Variants in SPOCK3 observed in about 807,000 individuals in gnomAD.
SPOCK3 encodes SPARC (osteonectin), cwcv and kazal like domains proteoglycan 3.
SPOCK3 carries 30 observed loss-of-function variants against 56.6 expected under a neutral mutation model. That is an observed-to-expected ratio of 0.53 (90% CI 0.40 to 0.72). The LOEUF is 0.72. Ranked by LOEUF, SPOCK3 falls within the 30% of genes least tolerant of loss-of-function variation. The pLI, the probability that SPOCK3 is intolerant of heterozygous loss-of-function variation, is 0.00. For missense variants in SPOCK3, 527 were observed against 530.0 expected (o/e 0.99, Z 0.06); for synonymous variants, 196 against 183.3 (o/e 1.07, Z -0.56).
chr4:167,229,503 G>A (rs1021302184), intron 2 of SPOCK3, among the ~76,000 whole-genome samples: 2 of 151,870 alleles, frequency 1.3e-5, no homozygotes, highest in East Asian at 1.9e-4. Context: ...ATAGACCCTC[G>A]AGAATCTTTA....
intron 7 of SPOCK3, among the ~76,000 whole-genome samples, chr4:166,788,584 A>T (rs1740987216): frequency 6.6e-6 from 1 of 151,734 alleles, no homozygotes; most frequent in Admixed American, 6.6e-5. Context: ...AATGTATAAA[A>T]TTTATATTCA....
intron 2 of SPOCK3, among the ~76,000 whole-genome samples, chr4:167,112,829 G>A (rs1409047402): frequency 9.6e-6 from 1 of 104,302 alleles, no homozygotes; most frequent in Non-Finnish European, 1.9e-5. Context: ...CAAGGACTCT[G>A]TTCAAAAGTG....
chr4:167,182,887 T>G (rs1032001510), intron 2 of SPOCK3, among the ~76,000 whole-genome samples: 1 of 152,150 alleles, frequency 6.6e-6, no homozygotes, highest in Non-Finnish European at 1.5e-5. Flanking sequence ...ACTTCAATCT[T>G]TTACATGTCT....
intron 9 of SPOCK3, among the ~76,000 whole-genome samples, chr4:166,739,498 C>T (rs1274311545): frequency 6.6e-6 from 1 of 152,106 alleles, no homozygotes; most frequent in Admixed American, 6.6e-5. Context: ...ACCTCAACCT[C>T]CCAGAATGCT....
At chr4:167,234,336 C>G in intron 1 of SPOCK3, 114 bp downstream of exon 1, 1 of 688,282 alleles carries the variant, frequency 1.5e-6, no homozygotes, top group Non-Finnish European at 2.4e-6. Context: ...GCTTTACCCC[C>G]AAAAGCCGGG....
chr4:167,147,510 C>T (rs1015919275), intron 2 of SPOCK3, among the ~76,000 whole-genome samples: 1 of 152,072 alleles, frequency 6.6e-6, no homozygotes, highest in African/African-American at 2.4e-5. Flanking sequence ...CACATGCACA[C>T]GTATGTTTAT....
intron 3 of SPOCK3, among the ~76,000 whole-genome samples, chr4:167,046,969 A>G (rs1305873424): frequency 1.3e-5 from 2 of 152,178 alleles, no homozygotes; most frequent in Admixed American, 1.3e-4. Context: ...AGTGAAGAGT[A>G]TATGATATTT....
chr4:166,989,356 T>C (rs1364671195), intron 4 of SPOCK3, among the ~76,000 whole-genome samples: 2 of 152,098 alleles, frequency 1.3e-5, no homozygotes, highest in African/African-American at 2.4e-5. Flanking sequence ...GTGTTAAGTA[T>C]CTGGGACCTA....
intron 6 of SPOCK3, among the ~76,000 whole-genome samples, chr4:166,795,513 C>T (rs1741838011): frequency 6.6e-6 from 1 of 152,002 alleles, no homozygotes; most frequent in Non-Finnish European, 1.5e-5. Context: ...ATTTAATTTT[C>T]ATTTGACAAT....
At chr4:166,754,170 G>A in intron 8 of SPOCK3, 1 of 1,019,396 alleles carries the variant, frequency 9.8e-7, no homozygotes, top group South Asian at 4.2e-5. Context: ...ATTTTACATT[G>A]TGGGCAAAGC....
At chr4:166,887,862 A>G (rs1463187719) in intron 6 of SPOCK3, among the ~76,000 whole-genome samples, 1 of 149,054 alleles carries the variant, frequency 6.7e-6, no homozygotes, top group Non-Finnish European at 1.5e-5. Context: ...AACTTATGGA[A>G]AAAAAAAAAA....
intron 4 of SPOCK3, among the ~76,000 whole-genome samples, chr4:166,926,502 C>T (rs1343936208): frequency 2.6e-5 from 4 of 151,962 alleles, no homozygotes; most frequent in Non-Finnish European, 5.9e-5. Context: ...GGTTTGATAC[C>T]TGGGTGTTTT....
At chr4:167,201,021 C>T (rs977064681) in intron 2 of SPOCK3, among the ~76,000 whole-genome samples, 2 of 151,924 alleles carry the variant, frequency 1.3e-5, no homozygotes, top group Non-Finnish European at 2.9e-5. Context: ...CACTTTAAAA[C>T]AATTGAGCTG....
intron 4 of SPOCK3, among the ~76,000 whole-genome samples, chr4:166,977,456 T>G (rs1746084466): frequency 6.6e-6 from 1 of 152,066 alleles, no homozygotes; most frequent in African/African-American, 2.4e-5. Flanking sequence ...AAAGAACTAT[T>G]TATGAATGTT....
rs538974163 is a variant in SPOCK3, at chr4:167,202,437, G to C, written c.189+31548C>G. Among the ~76,000 whole-genome samples, 4 of 152,058 alleles carry C rather than the reference G, an allele frequency of 2.6e-5. No individual in the cohort carries two copies. The East Asian group carries it at 5.8e-4, about 22-fold the overall frequency. ...AAGTGTATAAAATATAGTCAGCTTTGTGAAAGTGACCATTTTAACTAGTTA... is the reference window on the plus strand; with the variant it reads ...AAGTGTATAAAATATAGTCAGCTTTCTGAAAGTGACCATTTTAACTAGTTA... On this transcript the variant is annotated intron_variant, in intron 2 of 10. Transcript: ENST00000357545.
chr4:166,963,527 C>G (rs191237496), intron 4 of SPOCK3, among the ~76,000 whole-genome samples: 72 of 151,918 alleles, frequency 4.7e-4, no homozygotes, highest in Non-Finnish European at 6.6e-4. Context: ...ATTTTTGAGG[C>G]CTTCAAGCAG....
chr4:166,839,513 G>A (rs558942339), intron 6 of SPOCK3, among the ~76,000 whole-genome samples: 33 of 152,068 alleles, frequency 2.2e-4, no homozygotes, highest in Non-Finnish European at 4.1e-4. Context: ...CACTAAGGCA[G>A]ACCATGGCCA....
intron 6 of SPOCK3, among the ~76,000 whole-genome samples, chr4:166,858,156 C>G (rs577579970): frequency 6.6e-6 from 1 of 152,204 alleles, no homozygotes; most frequent in Non-Finnish European, 1.5e-5. Context: ...TTCCATTATA[C>G]TCACTGACCA....
intron 2 of SPOCK3, among the ~76,000 whole-genome samples, chr4:167,187,359 A>AT (rs1732089087): frequency 6.6e-6 from 1 of 151,620 alleles, no homozygotes; most frequent in Admixed American, 6.6e-5. Context: ...GCAAGAATTA[A>AT]TTTTCAGACT....
Sources: allele counts gnomAD v4.1 joint callset (sites outside exome capture counted in the v4.1 genomes callset), GRCh38; gene constraint gnomAD v4.1.1; transcripts MANE v1.5; gene names NCBI Gene and HGNC (gene_info 2026-07-23, HGNC 2026-07-21).